The following ASPH variants were observed in gnomAD, a reference collection of about 807,000 sequenced individuals.
ASPH encodes aspartate beta-hydroxylase.
ASPH carries 100 observed loss-of-function variants against 118.4 expected under a neutral mutation model. That is an observed-to-expected ratio of 0.84 (90% CI 0.72 to 1.00). The LOEUF is 1.00. Ranked by LOEUF, ASPH falls within the 50% of genes least tolerant of loss-of-function variation. ASPH has a pLI of 0.00. For synonymous variants in ASPH, 315 were observed against 325.6 expected (o/e 0.97, Z 0.35); for missense variants, 920 against 919.5 (o/e 1.00, Z -0.01).
In ASPH at chr8:61,651,141, A is replaced by T; in HGVS notation, c.416-17T>A. ...TCTGGGGTTCTAAAATAATTGCAAA[A>T]CATAGCTAAGTAGAAAAGCTCAAAC... On this transcript the variant is annotated splice_polypyrimidine_tract_variant and intron_variant, in intron 4 of 24. Transcript: ENST00000379454. 6.2e-7 allele frequency: 1 copy of T among 1,608,006 alleles called. No individual in the cohort carries two copies. The highest frequency in any genetic ancestry group is 8.5e-7 in the Non-Finnish European group (1 of 1,175,098).
At chr8:61,517,875 T>A (rs563626941) in intron 23 of ASPH, among the ~76,000 whole-genome samples, 157 bp downstream of exon 23, 1 of 152,324 alleles carries the variant, frequency 6.6e-6, no homozygotes, top group African/African-American at 2.4e-5. Context: ...CCACCCTCAA[T>A]TCTGACGTCA....
intron 1 of ASPH, among the ~76,000 whole-genome samples, chr8:61,695,830 G>C (rs1230154242): frequency 6.6e-6 from 1 of 152,204 alleles, no homozygotes; most frequent in African/African-American, 2.4e-5. Context: ...GATATGGTAT[G>C]AGTAATCAAA....
intron 21 of ASPH, among the ~76,000 whole-genome samples, chr8:61,541,906 T>A (rs1166873936): frequency 6.6e-6 from 1 of 152,196 alleles, no homozygotes; most frequent in Non-Finnish European, 1.5e-5. Context: ...AAATACTTGA[T>A]ATCAAAAAGG....
At chr8:61,538,755 G>C (rs183806132) in intron 21 of ASPH, among the ~76,000 whole-genome samples, 10 of 152,290 alleles carry the variant, frequency 6.6e-5, no homozygotes, top group African/African-American at 2.2e-4. Context: ...CACTCTTCCA[G>C]CTGTAATAAA....
At chr8:61,538,147 C>CA (rs894989972) in intron 21 of ASPH, among the ~76,000 whole-genome samples, 20 of 152,154 alleles carry the variant, frequency 1.3e-4, no homozygotes, top group Admixed American at 8.5e-4. Flanking sequence ...CAAAAAACAA[C>CA]AAAAAAACAG....
In ASPH at chr8:61,578,889, C is replaced by T. The variant is rs569160030; in HGVS notation, c.1063-2031G>A. 17 of 1,612,106 alleles carry T rather than the reference C, an allele frequency of 1.1e-5. No homozygotes were observed. The South Asian group carries it at 1.5e-4, about 15-fold the overall frequency. On this transcript the variant is annotated intron_variant, in intron 15 of 24. Transcript: ENST00000379454. ...AGGGCTGACTGACGAGATCAACTTCCTCAGGCAGCTGTACGAAAAGGAGAT... is the reference window on the plus strand; with the variant it reads ...AGGGCTGACTGACGAGATCAACTTCTTCAGGCAGCTGTACGAAAAGGAGAT...
intron 5 of ASPH, 49 bp downstream of exon 5, chr8:61,651,001 T>C: frequency 1.3e-6 from 2 of 1,517,240 alleles, no homozygotes; most frequent in Non-Finnish European, 1.8e-6. Flanking sequence ...TTTACATAAC[T>C]AAGCGTTATT....
At chr8:61,522,830 T>C (rs1813623105) in intron 22 of ASPH, among the ~76,000 whole-genome samples, 1 of 152,220 alleles carries the variant, frequency 6.6e-6, no homozygotes, top group African/African-American at 2.4e-5. Context: ...CAGTGTTTCT[T>C]CCGCTTCTTA....
At chr8:61,521,153 C>T (rs1812835109) in intron 22 of ASPH, among the ~76,000 whole-genome samples, 1 of 152,034 alleles carries the variant, frequency 6.6e-6, no homozygotes. Context: ...TAAGAAGGCT[C>T]AATTAGTGTT....
At chr8:61,529,803 A>G (rs1312361038) in intron 21 of ASPH, among the ~76,000 whole-genome samples, 1 of 152,210 alleles carries the variant, frequency 6.6e-6, no homozygotes, top group Non-Finnish European at 1.5e-5. Context: ...TCTGGTTCAT[A>G]GATGGTACCT....
chr8:61,521,518 G>T (rs952247788), intron 22 of ASPH, among the ~76,000 whole-genome samples: 1 of 152,158 alleles, frequency 6.6e-6, no homozygotes, highest in Admixed American at 6.6e-5. Flanking sequence ...TCTAACCTAG[G>T]ATTGTTGGTT....
At chr8:61,566,432 C>A (rs1245899201) in intron 17 of ASPH, among the ~76,000 whole-genome samples, 4 of 152,222 alleles carry the variant, frequency 2.6e-5, no homozygotes, top group Non-Finnish European at 4.4e-5. Flanking sequence ...ACTGAATGTA[C>A]TCCTGGTGAA....
intron 3 of ASPH, among the ~76,000 whole-genome samples, chr8:61,672,642 T>A (rs1032982023): frequency 6.6e-6 from 1 of 152,170 alleles, no homozygotes; most frequent in Admixed American, 6.5e-5. Context: ...AGGCTTAGCA[T>A]TGAAGGAGAA....
At chr8:61,550,473 G>A (rs1361406976) in intron 20 of ASPH, among the ~76,000 whole-genome samples, 1 of 123,316 alleles carries the variant, frequency 8.1e-6, no homozygotes, top group African/African-American at 2.8e-5. Context: ...ACACACATAA[G>A]AGAAAGAGAG....
At chr8:61,521,883 G>T (rs1382350065) in intron 22 of ASPH, among the ~76,000 whole-genome samples, 1 of 152,120 alleles carries the variant, frequency 6.6e-6, no homozygotes, top group Non-Finnish European at 1.5e-5. Flanking sequence ...CTCTGCTTCT[G>T]GGGCAACAAC....
chr8:61,570,674 C>T (rs2131863967), intron 16 of ASPH, among the ~76,000 whole-genome samples: 1 of 152,298 alleles, frequency 6.6e-6, no homozygotes, highest in East Asian at 1.9e-4. Context: ...GGCACTTGCA[C>T]TGAAAAGTCT....
intron 3 of ASPH, among the ~76,000 whole-genome samples, chr8:61,666,685 T>C (rs186383557): frequency 2.0e-5 from 3 of 152,290 alleles, no homozygotes; most frequent in Admixed American, 2.0e-4. Flanking sequence ...CACATAGGGT[T>C]TCTCCATTAA....
intron 3 of ASPH, among the ~76,000 whole-genome samples, chr8:61,671,109 T>TA (rs1463527719): frequency 6.6e-6 from 1 of 151,966 alleles, no homozygotes; most frequent in Non-Finnish European, 1.5e-5. Context: ...TGACAGCACG[T>TA]AGAGGGGAAA....
At chr8:61,637,255 G>C (rs997297350) in intron 12 of ASPH, among the ~76,000 whole-genome samples, 4 of 152,010 alleles carry the variant, frequency 2.6e-5, no homozygotes, top group Non-Finnish European at 4.4e-5. Flanking sequence ...GTCTTGGGTC[G>C]AATATCCCCT....
Sources: allele counts gnomAD v4.1 joint callset (sites outside exome capture counted in the v4.1 genomes callset), GRCh38; gene constraint gnomAD v4.1.1; transcripts MANE v1.5; gene names NCBI Gene and HGNC (gene_info 2026-07-23, HGNC 2026-07-21).